INF2: variants seen among roughly 807,000 people sequenced by gnomAD.
The protein encoded by INF2 is inverted formin 2.
INF2 carries 43 observed loss-of-function variants against 123.5 expected under a neutral mutation model. That is an observed-to-expected ratio of 0.35 (90% CI 0.27 to 0.45). INF2 has a LOEUF of 0.45. Ranked by LOEUF, INF2 falls within the 20% of genes least tolerant of loss-of-function variation. INF2 has a pLI of 1.00. For missense variants in INF2, 1,453 were observed against 1,682.7 expected (o/e 0.86, Z 2.39); for synonymous variants, 851 against 745.0 (o/e 1.14, Z -2.32).
At position 104,713,220 on chromosome 14, in the gene INF2, G is replaced by A. The variant is rs752180110; in HGVS notation, c.2789G>A (p.Arg930Gln). The part of the protein sequence containing the change: ...FLRALKENKD[R>Q]KEQAAKAERR... Reference sequence around the variant, plus strand: ...CTGCCAGTGCAGGAGAACAAGGACCGGAAGGAGCAGGCGGCGAAGGCAGAG... The same window carrying A: ...CTGCCAGTGCAGGAGAACAAGGACCAGAAGGAGCAGGCGGCGAAGGCAGAG... The change falls in exon 19 of 23, where the codon CGG becomes CAG. Residue 930 changes from arginine (R) to glutamine (Q), a missense_variant. Arg to Gln is a conservative substitution (Grantham distance 43). Around this residue, in one of 8 missense-constraint regions of INF2, gnomAD observed 212 missense variants for 266.2 expected, o/e 0.80. Coordinates refer to ENST00000392634, the MANE Select transcript of INF2 (RefSeq NM_022489.4). 28 of 1,555,376 alleles carry A rather than the reference G, an allele frequency of 1.8e-5. No individual in the cohort carries two copies. Among genetic ancestry groups the A allele is most frequent in the East Asian group, 4.8e-5 (2 of 41,404 alleles).
At chr14:104,691,758 G>A (rs1366024579) in intron 1 of INF2, among the ~76,000 whole-genome samples, 2 of 152,130 alleles carry the variant, frequency 1.3e-5, no homozygotes, top group Non-Finnish European at 2.9e-5. Context: ...CTGGAGGGGT[G>A]AGCAGGGTCC....
chr14:104,709,493 A>C (rs922308781), intron 11 of INF2, 110 bp downstream of exon 11: 1 of 1,266,282 alleles, frequency 7.9e-7, no homozygotes, highest in Admixed American at 1.7e-5. Context: ...TCCCAGCCCT[A>C]CCTCTGCCCT....
chr14:104,694,962 G>C (rs1205189456), intron 1 of INF2, among the ~76,000 whole-genome samples: 1 of 152,184 alleles, frequency 6.6e-6, no homozygotes, highest in African/African-American at 2.4e-5. Flanking sequence ...ATGAGCTGCT[G>C]CCCTTCCCCC....
upstream of INF2, among the ~76,000 whole-genome samples, chr14:104,687,848 C>T (rs182523460): frequency 6.6e-6 from 1 of 152,338 alleles, no homozygotes; most frequent in Admixed American, 6.5e-5. The surrounding 1 kb of genome is among the most constrained non-coding windows in gnomAD (Gnocchi z 5.6). Flanking sequence ...GGTCAAAGCT[C>T]ACTCCCCACC....
In INF2 at chr14:104,715,306, T is replaced by A. The variant is rs748770666; in HGVS notation, c.3717T>A (p.Asp1239Glu). Residue 1239 changes from aspartate (D) to glutamate (E), a missense_variant, in exon 22 of 23, where the codon GAT (aspartate) becomes GAA (glutamate). Physicochemically the swap from Asp to Glu is conservative, Grantham distance 45 (BLOSUM62 2). This residue lies in a region of INF2 where 344 missense variants were observed against 333.1 expected (regional missense o/e 1.03). Coordinates refer to ENST00000392634, the MANE Select transcript of INF2 (RefSeq NM_022489.4). ...CAGAGGTTCCCCCTGATTCTGATGA[T>A]AATAAAACAAAGAAACTGTGTGTGA... is the stretch of plus-strand genomic sequence containing the variant. ...SQEEVPPDSD[D>E]NKTKKLCVIQ 6.2e-7 allele frequency: 1 copy of A among 1,613,508 alleles called. No individual in the cohort carries two copies. The highest frequency in any genetic ancestry group is 2.2e-5 in the East Asian group (1 of 44,890).
rs201383094 is a variant in INF2 at position 104,701,402 on chromosome 14, G to A, written c.37G>A (p.Ala13Thr). 566 of 1,593,462 alleles carry A rather than the reference G, an allele frequency of 3.6e-4. 2 individuals carry two copies. The highest frequency in any genetic ancestry group is 8.9e-4 in the Admixed American group (52 of 58,180). ...GGAGGGCGCACAGCGCAAGTGGGCAGCGCTGAAGGAGAAGCTGGGGCCACA... is the reference window on the plus strand; with the variant it reads ...GGAGGGCGCACAGCGCAAGTGGGCAACGCTGAAGGAGAAGCTGGGGCCACA... ...VKEGAQRKWA[A>T]LKEKLGPQDS... is the part of the protein sequence containing the mutation. Residue 13 changes from alanine (A) to threonine (T), a missense_variant, in exon 2 of 23, where the codon GCG (alanine) becomes ACG (threonine). Ala to Thr is a moderately conservative substitution (Grantham distance 58). This residue lies in a region of INF2 where 43 missense variants were observed against 44.7 expected (regional missense o/e 0.96). Transcript: ENST00000392634.
At chr14:104,702,147 C>G (rs958073302) in intron 2 of INF2, among the ~76,000 whole-genome samples, 1 of 152,290 alleles carries the variant, frequency 6.6e-6, no homozygotes, top group East Asian at 1.9e-4. Flanking sequence ...CCTACATACA[C>G]CTGCCTAGCT....
upstream of INF2, among the ~76,000 whole-genome samples, chr14:104,687,723 C>A (rs7155571): frequency 8.7e-4 from 132 of 152,290 alleles, no homozygotes; most frequent in African/African-American, 2.8e-3. The surrounding 1 kb of genome is among the most constrained non-coding windows in gnomAD (Gnocchi z 5.6). Context: ...CTCCCTCCCC[C>A]ATCAGGGCAG....
upstream of INF2, among the ~76,000 whole-genome samples, chr14:104,686,696 T>C (rs1012953332): frequency 3.9e-5 from 6 of 152,206 alleles, no homozygotes; most frequent in African/African-American, 1.4e-4. Context: ...AATGAACCCA[T>C]GGCCAGGCTG....
intron 1 of INF2, among the ~76,000 whole-genome samples, chr14:104,683,210 A>G: frequency 1.4e-5 from 2 of 143,604 alleles, no homozygotes; most frequent in Non-Finnish European, 1.5e-5. Context: ...GGAGGGGAGG[A>G]GGGGCCCTGG....
At chr14:104,708,917 G>C (rs1212017075) in intron 10 of INF2, among the ~76,000 whole-genome samples, 185 bp downstream of exon 10, 5 of 152,142 alleles carry the variant, frequency 3.3e-5, no homozygotes, top group Non-Finnish European at 7.4e-5. Context: ...AGGCTCCCAG[G>C]GACAGAGCGC....
chr14:104,688,090 G>A (rs1888723790), upstream of INF2, among the ~76,000 whole-genome samples: 1 of 152,394 alleles, frequency 6.6e-6, no homozygotes, highest in Non-Finnish European at 1.5e-5. Flanking sequence ...CTGGAGCCCG[G>A]TGTGGAGGGC....
At chr14:104,709,591 G>GA (rs1889948890) in intron 11 of INF2, 29 bp from the exon 12 acceptor site, 1 of 1,583,638 alleles carries the variant, frequency 6.3e-7, no homozygotes, top group East Asian at 2.2e-5. Context: ...GGCATGGGGG[G>GA]ATCCCACATG....
chr14:104,697,117 C>A (rs1206016344), intron 1 of INF2, among the ~76,000 whole-genome samples: 1 of 152,236 alleles, frequency 6.6e-6, no homozygotes, highest in Non-Finnish European at 1.5e-5. Context: ...CTCTCCCTTC[C>A]CTACCAGTGG....
intron 1 of INF2, chr14:104,690,639 G>C (rs975725703): frequency 6.6e-6 from 1 of 152,404 alleles, no homozygotes; most frequent in African/African-American, 2.4e-5. Flanking sequence ...GAAGGCGCTG[G>C]ACGTAGGAAA....
chr14:104,694,214 A>C (rs1175273619), intron 1 of INF2, among the ~76,000 whole-genome samples: 1 of 152,246 alleles, frequency 6.6e-6, no homozygotes. Flanking sequence ...GGTCAGAGCT[A>C]CGGGGCCCTG....
At chr14:104,711,895 A>C (rs1198831720) in intron 16 of INF2, among the ~76,000 whole-genome samples, 196 bp downstream of exon 16, 1 of 152,180 alleles carries the variant, frequency 6.6e-6, no homozygotes, top group Non-Finnish European at 1.5e-5. Context: ...CTTCTGACTT[A>C]AGCGAGGAAA....
intron 1 of INF2, among the ~76,000 whole-genome samples, chr14:104,695,564 T>A (rs945175426): frequency 2.7e-5 from 3 of 112,696 alleles, no homozygotes; most frequent in Admixed American, 9.2e-5. Flanking sequence ...CTCCCTTGCC[T>A]GGGCTGCGCT....
At chr14:104,698,281 T>A (rs1019195702) in intron 1 of INF2, among the ~76,000 whole-genome samples, 4 of 152,188 alleles carry the variant, frequency 2.6e-5, no homozygotes, top group Admixed American at 2.6e-4. Context: ...CCCGTGCCCC[T>A]GAGATCAGTA....
Sources: allele counts gnomAD v4.1 joint callset (sites outside exome capture counted in the v4.1 genomes callset), GRCh38; gene constraint gnomAD v4.1.1; regional missense constraint gnomAD v4.1.1; non-coding constraint Gnocchi (gnomAD v3.1); transcripts MANE v1.5; gene names NCBI Gene and HGNC (gene_info 2026-07-23, HGNC 2026-07-21).